PDE3B: variants seen among roughly 807,000 people sequenced by gnomAD.
PDE3B encodes the protein phosphodiesterase 3B.
In PDE3B, 66 loss-of-function variants were observed where a neutral mutation model predicts 116.8. The ratio of observed to expected loss-of-function variants is 0.56; its 90% CI spans 0.46 to 0.69. The LOEUF is 0.69. Among genes scored for constraint, PDE3B ranks in the 30% least tolerant of loss-of-function variants. The pLI is 0.00. For missense variants in PDE3B, 1,384 were observed against 1,368.1 expected (o/e 1.01, Z -0.18); for synonymous variants, 595 against 533.6 (o/e 1.12, Z -1.59).
At chr11:14,891,456 G>T in the PDE3B span, 1 of 986,170 alleles carries the variant, frequency 1.0e-6, no homozygotes, top group Non-Finnish European at 1.2e-6. Flanking sequence ...TCAGTCAGGG[G>T]CGTTCCCCTG....
intron 5 of PDE3B, among the ~76,000 whole-genome samples, chr11:14,811,394 G>C (rs200189667): frequency 1.3e-5 from 2 of 152,134 alleles, no homozygotes; most frequent in African/African-American, 2.4e-5. Context: ...TATGGCTAGC[G>C]AGTTTTCCCA....
chr11:14,795,549 A>G lies in PDE3B; in HGVS notation c.1415+6307A>G, dbSNP rs571920357. The stretch of plus-strand genomic sequence containing the variant: ...CTGAGAACCTATCATTTGACCTGTA[A>G]CTCTTAATTCTAAATAGCTAAATGA... On this transcript the variant is annotated intron_variant, in intron 4 of 15. Transcript: ENST00000282096. Among the ~76,000 whole-genome samples, 10 of 152,240 alleles carry G rather than the reference A, an allele frequency of 6.6e-5. No homozygotes were observed. The South Asian group carries it at 1.5e-3, about 22-fold the overall frequency.
At chr11:14,826,954 C>T (rs756639214) in intron 7 of PDE3B, among the ~76,000 whole-genome samples, 1 of 152,142 alleles carries the variant, frequency 6.6e-6, no homozygotes, top group Non-Finnish European at 1.5e-5. Flanking sequence ...AGCAGCACAT[C>T]TAAAAGGCAA....
Position 14,867,580 on chromosome 11 carries a change from C to G in PDE3B, c.2961C>G (p.Leu987=). 4 of 1,614,048 alleles carry G rather than the reference C, an allele frequency of 2.5e-6. No individual in the cohort carries two copies. Among genetic ancestry groups the G allele is most frequent in the Non-Finnish European group, 2.5e-6 (3 of 1,179,956 alleles). ...GTTCTTCTCCTCAACTAGCAAAACT[C>G]CAAGAATCTTTTATCACCCACATAG... ...MDRSSPQLAK[L]QESFITHIVG... Residue 987 remains leucine (L), a synonymous_variant, in exon 15 of 16, where the codon CTC becomes CTG. Transcript: ENST00000282096.
chr11:14,690,137 C>T (rs576644921), intron 1 of PDE3B, among the ~76,000 whole-genome samples: 6 of 152,206 alleles, frequency 3.9e-5, no homozygotes, highest in South Asian at 4.1e-4. Flanking sequence ...GTGATATGGA[C>T]GTGTCCTATA....
chr11:14,885,877 A>G, the PDE3B span: 1 of 1,613,698 alleles, frequency 6.2e-7, no homozygotes, highest in Non-Finnish European at 8.5e-7. Context: ...ATAGCCATTT[A>G]GAACCACAGT....
intron 10 of PDE3B, 146 bp from the exon 11 acceptor site, chr11:14,834,836 C>T: frequency 2.2e-6 from 1 of 464,540 alleles, no homozygotes. Flanking sequence ...TTTAATACAT[C>T]AAGAGACTTT....
At chr11:14,799,686 C>T (rs966392674) in intron 4 of PDE3B, among the ~76,000 whole-genome samples, 2 of 151,158 alleles carry the variant, frequency 1.3e-5, no homozygotes, top group Admixed American at 1.3e-4. Flanking sequence ...TATGTAATGC[C>T]CTTCTTTGTC....
At chr11:14,774,896 C>G (rs1857739903) in intron 2 of PDE3B, 1 of 152,216 alleles carries the variant, frequency 6.6e-6, no homozygotes, top group Non-Finnish European at 1.5e-5. Flanking sequence ...TTCATTTACT[C>G]TGTTCCAGCT....
chr11:14,659,358 G>A (rs544669717), intron 1 of PDE3B, among the ~76,000 whole-genome samples: 16 of 152,294 alleles, frequency 1.1e-4, no homozygotes, highest in African/African-American at 3.6e-4. Context: ...AGTGTTGATA[G>A]AACATTTTCA....
At chr11:14,842,939 T>C (rs553258520) in intron 11 of PDE3B, among the ~76,000 whole-genome samples, 13 of 152,340 alleles carry the variant, frequency 8.5e-5, no homozygotes, top group African/African-American at 2.9e-4. Context: ...ATAATTCTTT[T>C]GGACTTTAAC....
intron 1 of PDE3B, among the ~76,000 whole-genome samples, chr11:14,681,511 G>T (rs1486061349): frequency 6.6e-6 from 1 of 152,170 alleles, no homozygotes; most frequent in African/African-American, 2.4e-5. Flanking sequence ...GTGGAACTGT[G>T]AGTCAATTAA....
intron 7 of PDE3B, among the ~76,000 whole-genome samples, chr11:14,825,059 C>A (rs891865631): frequency 5.9e-5 from 9 of 152,008 alleles, no homozygotes; most frequent in Non-Finnish European, 1.2e-4. Flanking sequence ...AAATAAGATC[C>A]TTTTCAGATA....
intron 1 of PDE3B, among the ~76,000 whole-genome samples, chr11:14,744,613 A>G (rs1368121444): frequency 1.3e-5 from 2 of 152,200 alleles, no homozygotes; most frequent in Non-Finnish European, 2.9e-5. Context: ...TCTTTCTCTT[A>G]AGATCCCAAT....
chr11:14,673,839 CT>C, intron 1 of PDE3B: 1 of 1,159,522 alleles, frequency 8.6e-7, no homozygotes, highest in South Asian at 1.2e-5. Flanking sequence ...ATACTGTGGT[CT>C]CTCAAATTTG....
At chr11:14,659,277 T>G (rs1404577173) in intron 1 of PDE3B, among the ~76,000 whole-genome samples, 2 of 152,208 alleles carry the variant, frequency 1.3e-5, no homozygotes, top group African/African-American at 4.8e-5. Context: ...TAAACAGTTT[T>G]GACATTACTT....
chr11:14,665,493 T>C (rs1434562422), intron 1 of PDE3B, among the ~76,000 whole-genome samples: 3 of 152,228 alleles, frequency 2.0e-5, no homozygotes, highest in South Asian at 2.1e-4. Context: ...TGTTTGCAGA[T>C]GACATGATTG....
In PDE3B at chr11:14,680,213, C is replaced by T. The variant is rs146738354; in HGVS notation, c.978+35160C>T. Among the ~76,000 whole-genome samples, 287 of 152,270 alleles carry T rather than the reference C, an allele frequency of 1.9e-3. 1 individual carries two copies. The highest frequency in any genetic ancestry group is 6.3e-3 in the African/African-American group (263 of 41,556). On this transcript the variant is annotated intron_variant, in intron 1 of 15. Coordinates refer to ENST00000282096, the MANE Select transcript of PDE3B (RefSeq NM_000922.4). ...GAGGTCCTAAGGCCTAGTACTAAGC[C>T]CTCCTTAGAATTTTATCTCACAGTT...
At chr11:14,657,568 C>T (rs991148636) in intron 1 of PDE3B, among the ~76,000 whole-genome samples, 1 of 152,122 alleles carries the variant, frequency 6.6e-6, no homozygotes, top group Admixed American at 6.5e-5. Context: ...TTACTAAATA[C>T]CAGTGTTTAT....
Sources: gnomAD v4.1 joint callset for allele counts (sites outside exome capture counted in the v4.1 genomes callset) on GRCh38, gnomAD v4.1.1 for gene constraint, MANE v1.5 for transcripts, NCBI Gene and HGNC (gene_info 2026-07-23, HGNC 2026-07-21) for gene names.